The following TMEM184B variants were observed in gnomAD, a reference collection of about 807,000 sequenced individuals.
The protein encoded by TMEM184B is transmembrane protein 184B.
TMEM184B carries 17 observed loss-of-function variants against 41.8 expected under a neutral mutation model. The ratio of observed to expected loss-of-function variants is 0.41; its 90% CI spans 0.28 to 0.61. TMEM184B has a LOEUF of 0.61. Ranked by LOEUF, TMEM184B falls within the 20% of genes least tolerant of loss-of-function variation. TMEM184B has a pLI of 0.34. For synonymous variants in TMEM184B, 240 were observed against 229.5 expected (o/e 1.05, Z -0.41); for missense variants, 393 against 557.8 (o/e 0.70, Z 2.98).
intron 8 of TMEM184B, chr22:38,221,934 G>C: frequency 1.6e-6 from 1 of 644,982 alleles, no homozygotes; most frequent in Non-Finnish European, 2.6e-6. Flanking sequence ...ACTGTGAAGA[G>C]GAGCAGACAT....
chr22:38,236,594 C>T (rs1385175406), intron 3 of TMEM184B, among the ~76,000 whole-genome samples: 4 of 152,126 alleles, frequency 2.6e-5, no homozygotes, highest in Non-Finnish European at 4.4e-5. Flanking sequence ...ATCAATCTTC[C>T]CACCTCAGCC....
chr22:38,259,137 C>A (rs781596031), intron 1 of TMEM184B, among the ~76,000 whole-genome samples: 6 of 152,204 alleles, frequency 3.9e-5, no homozygotes, highest in Admixed American at 2.0e-4. Context: ...TATGTCGTCA[C>A]TGAACTTGGC....
rs76300165 is a variant in TMEM184B at position 38,227,026 on chromosome 22, G to A, written c.526-156C>T. On this transcript the variant is annotated intron_variant, in intron 5 of 8. Transcript: ENST00000361906. ...GATGGAGGGACGGAGGGGATGGAGG[G>A]ACGAAGGGATGGAGGGGATGGAAGG... is the stretch of plus-strand genomic sequence containing the variant. Among the ~76,000 whole-genome samples, 290 of 152,026 alleles carry A rather than the reference G, an allele frequency of 1.9e-3. 2 individuals are homozygous for A. Among genetic ancestry groups the A allele is most frequent in the Middle Eastern group, 0.017 (5 of 294 alleles).
At chr22:38,258,816 C>T (rs181423954) in intron 1 of TMEM184B, among the ~76,000 whole-genome samples, 59 of 152,226 alleles carry the variant, frequency 3.9e-4, no homozygotes, top group Non-Finnish European at 6.9e-4. Context: ...CTTAGAAGAA[C>T]CTTTGGGATT....
chr22:38,249,293 C>T (rs1040952714), intron 1 of TMEM184B, among the ~76,000 whole-genome samples: 4 of 152,142 alleles, frequency 2.6e-5, no homozygotes, highest in African/African-American at 7.2e-5. Flanking sequence ...GGATTACAGG[C>T]GTGCGTCATC....
Position 38,272,872 on chromosome 22 carries a change from C to T in TMEM184B, c.-59+12G>A. ...CTTGGGGCTCCCGGGCGAGGCCGGC[C>T]AGGCGGGATACCTCAGGAGCCCATG... On this transcript the variant is annotated intron_variant, in intron 1 of 8. Transcript: ENST00000361906. The T allele has an allele frequency of 1.1e-6, 1 of 917,720 alleles. No homozygotes were observed. Among genetic ancestry groups the T allele is most frequent in the East Asian group, 1.2e-4 (1 of 8,442 alleles). The allele number at this position is 917,720 out of a possible 1,614,324, so 56.8% of individuals were successfully genotyped here. A position where few individuals can be genotyped will look rare whatever the true frequency, so the allele number is the denominator to read the frequency against.
chr22:38,237,781 C>T (rs946036417), intron 3 of TMEM184B, among the ~76,000 whole-genome samples: 5 of 151,670 alleles, frequency 3.3e-5, no homozygotes, highest in African/African-American at 1.2e-4. Flanking sequence ...CCAAATGGTT[C>T]CTCTTCTCCT....
chr22:38,268,763 T>G (rs1040750296), intron 1 of TMEM184B, among the ~76,000 whole-genome samples: 1 of 152,218 alleles, frequency 6.6e-6, no homozygotes, highest in Non-Finnish European at 1.5e-5. Flanking sequence ...CAGGCGACAA[T>G]GGCCTAAGGT....
chr22:38,221,807 C>T, intron 8 of TMEM184B, 97 bp from the exon 9 acceptor site: 1 of 1,505,172 alleles, frequency 6.6e-7, no homozygotes. Context: ...AGACACCCCC[C>T]AACCCAAAGC....
intron 1 of TMEM184B, among the ~76,000 whole-genome samples, chr22:38,268,494 C>T (rs1344268366): frequency 6.6e-6 from 1 of 151,866 alleles, no homozygotes; most frequent in Non-Finnish European, 1.5e-5. Flanking sequence ...ATGAGAAAAT[C>T]TACAACTTGG....
In TMEM184B at chr22:38,246,070, G is replaced by A; in HGVS notation, c.223C>T (p.Pro75Ser). The A allele has an allele frequency of 6.2e-7, 1 of 1,612,478 alleles. No homozygotes were observed. The highest frequency in any genetic ancestry group is 8.5e-7 in the Non-Finnish European group (1 of 1,179,992). The stretch of plus-strand genomic sequence containing the variant: ...CGCACGATGTAGCGCTGCTCGTTGG[G>A]GCAGCTGTAGCAGCGCAGGTGCATG... ...IYMHLRCYSC[P>S]NEQRYIVRIL... is the part of the protein sequence containing the mutation. The change falls in exon 3 of 9, where the codon CCC becomes TCC. Residue 75 changes from proline to serine, a missense_variant. Physicochemically the swap from Pro to Ser is moderately conservative, Grantham distance 74. Coordinates refer to ENST00000361906, the MANE Select transcript of TMEM184B (RefSeq NM_012264.5).
At chr22:38,234,699 T>G (rs565303764) in intron 3 of TMEM184B, among the ~76,000 whole-genome samples, 1 of 152,316 alleles carries the variant, frequency 6.6e-6, no homozygotes, top group East Asian at 1.9e-4. Context: ...ATGCCGCCTC[T>G]TCTGTCCTGC....
chr22:38,245,420 G>A (rs1422573112), intron 3 of TMEM184B, among the ~76,000 whole-genome samples: 1 of 145,066 alleles, frequency 6.9e-6, no homozygotes, highest in East Asian at 2.0e-4. Context: ...GACCCAGGGG[G>A]AGGGCCCTTG....
rs1324864976 is a variant in TMEM184B, at chr22:38,268,177, T to TC, written c.-59+4706dup. On this transcript the variant is annotated intron_variant, in intron 1 of 8. Coordinates refer to ENST00000361906, the MANE Select transcript of TMEM184B (RefSeq NM_012264.5). ...GCGGGCAGATCACAAGGTCAGGAGT[T>TC]CGAGACCAGCTTGGCTAACATGGTG... Among the ~76,000 whole-genome samples the TC allele has an allele frequency of 3.9e-5, 6 of 152,060 alleles. No homozygotes were observed. In the South Asian group the frequency reaches 1.2e-3, roughly 32 times the overall value.
intron 8 of TMEM184B, 142 bp from the exon 9 acceptor site, chr22:38,221,852 T>C (rs2091270380): frequency 4.9e-6 from 6 of 1,235,186 alleles, no homozygotes. Context: ...GGACAGAGAA[T>C]GGGGTCCAGG....
In TMEM184B at chr22:38,225,476, G is replaced by C. The variant is rs765236424; in HGVS notation, c.735C>G (p.Pro245=). The part of the protein sequence containing the change: ...ATRELLSPYS[P]VLKFFMVKSV... Reference sequence around the variant, plus strand: ...ACTTGACCATGAAGAACTTGAGGACGGGGCTGTAGGGGCTGAGCAGCTCCC... The same window carrying C: ...ACTTGACCATGAAGAACTTGAGGACCGGGCTGTAGGGGCTGAGCAGCTCCC... The change falls in exon 7 of 9, where the codon CCC becomes CCG. Residue 245 remains proline, a synonymous_variant. Transcript: ENST00000361906. This position sits in a 1 kb window ranked among gnomAD's most constrained non-coding sequence, Gnocchi z 4.4. 2 of 1,580,070 alleles carry C rather than the reference G, an allele frequency of 1.3e-6. No homozygotes were observed. The highest frequency in any genetic ancestry group is 1.2e-5 in the South Asian group (1 of 86,560).
intron 1 of TMEM184B, among the ~76,000 whole-genome samples, chr22:38,270,679 C>T (rs185958191): frequency 1.3e-3 from 204 of 152,354 alleles, no homozygotes; most frequent in Non-Finnish European, 1.8e-3. Context: ...AGCTATTGGC[C>T]TTCCAGAACT....
chr22:38,259,086 C>T (rs1012935686), intron 1 of TMEM184B, among the ~76,000 whole-genome samples: 2 of 152,282 alleles, frequency 1.3e-5, no homozygotes, highest in East Asian at 1.9e-4. Flanking sequence ...TTCCGGCTGG[C>T]CCCCCATCAG....
rs2092025107 is a variant in TMEM184B, at chr22:38,246,144, C to A, written c.193-44G>T. On this transcript the variant is annotated intron_variant, in intron 2 of 8. Transcript: ENST00000361906. ...GGTCAGCTGGGGACCCTCCTGTCCA[C>A]AGGGACGGGAGGGCAGGTGGGCTTC... is the stretch of plus-strand genomic sequence containing the variant. The A allele has an allele frequency of 2.5e-6, 4 of 1,589,706 alleles. 1 individual carries two copies. The African/African-American group carries it at 5.4e-5, about 21-fold the overall frequency.
Sources: gnomAD v4.1 joint callset for allele counts (sites outside exome capture counted in the v4.1 genomes callset) on GRCh38, gnomAD v4.1.1 for gene constraint, Gnocchi (gnomAD v3.1) non-coding constraint, MANE v1.5 for transcripts, NCBI Gene and HGNC (gene_info 2026-07-23, HGNC 2026-07-21) for gene names.